The following EPN2 variants were observed in gnomAD, a reference collection of about 807,000 sequenced individuals.
EPN2 encodes epsin-2.
A neutral mutation model predicts 61.7 loss-of-function variants in EPN2; 34 were observed. The observed-to-expected ratio is 0.55, with a 90% CI of 0.42 to 0.73. The LOEUF is 0.73. Among genes scored for constraint, EPN2 ranks in the 30% least tolerant of loss-of-function variants. The probability of loss-of-function intolerance (pLI) is 0.00; values close to 1 mark genes in which losing one functional copy is unlikely to be tolerated. For missense variants in EPN2, 714 were observed against 839.2 expected (o/e 0.85, Z 1.84); for synonymous variants, 349 against 353.6 (o/e 0.99, Z 0.15).
intron 7 of EPN2, among the ~76,000 whole-genome samples, chr17:19,327,509 G>A (rs1397364367): frequency 1.3e-5 from 2 of 152,020 alleles, no homozygotes; most frequent in African/African-American, 4.8e-5. Context: ...CCATCTCGAC[G>A]AAAATTAGAA....
intron 1 of EPN2, among the ~76,000 whole-genome samples, chr17:19,259,484 T>C (rs2045117352): frequency 6.6e-6 from 1 of 152,034 alleles, no homozygotes; most frequent in Non-Finnish European, 1.5e-5. Context: ...GGCTAACTTT[T>C]TGTATTTTTA....
chr17:19,238,736 T>G (rs777862543), intron 1 of EPN2, among the ~76,000 whole-genome samples: 1 of 152,152 alleles, frequency 6.6e-6, no homozygotes, highest in Non-Finnish European at 1.5e-5. Context: ...GACCCTACCT[T>G]CCCCTTTATT....
intron 9 of EPN2, 49 bp from the exon 10 acceptor site, chr17:19,331,804 A>T: frequency 6.6e-7 from 1 of 1,520,958 alleles, no homozygotes. Context: ...ACACAGTCTT[A>T]GGCTCTCCCT....
chr17:19,331,873 C>T lies in EPN2; in HGVS notation c.1432C>T (p.Pro478Ser). The T allele has an allele frequency of 1.2e-6, 2 of 1,614,164 alleles. No homozygotes were observed. Among genetic ancestry groups the T allele is most frequent in the Non-Finnish European group, 8.5e-7 (1 of 1,179,996 alleles). Residue 478 changes from proline to serine, a missense_variant, in exon 10 of 11, where the codon CCA becomes TCA. Transcript: ENST00000314728. Reference protein sequence around the residue: ...KKTAESVTSLPSQNNGTTSPD... With the variant: ...KKTAESVTSLSSQNNGTTSPD... ...TGTAGCCGAATCTGTGACCTCTCTG[C>T]CATCCCAAAACAATGGAACTACCAG... is the stretch of plus-strand genomic sequence containing the variant.
At position 19,334,619 on chromosome 17, in the gene EPN2, C is replaced by T. The variant is rs978845252; in HGVS notation, c.*365C>T. On this transcript the variant is annotated 3_prime_UTR_variant, in exon 11 of 11. Coordinates refer to ENST00000314728, the MANE Select transcript of EPN2 (RefSeq NM_014964.5). This position sits in a 1 kb window ranked among gnomAD's most constrained non-coding sequence, Gnocchi z 4.9. ...GGACAGTGGCCTTGTCTTTGTCCTC[C>T]CCACCCCCCAGCCCTAGGGACACCC... 2.8e-5 allele frequency: 5 copies of T among 180,462 alleles called. No individual in the cohort carries two copies. The highest frequency in any genetic ancestry group is 5.7e-5 in the Non-Finnish European group (5 of 87,400). 11.2% of individuals were successfully genotyped at this position (180,462 alleles called of 1,614,324 possible).
intron 7 of EPN2, among the ~76,000 whole-genome samples, chr17:19,315,885 C>G (rs1315159754): frequency 1.3e-5 from 2 of 152,196 alleles, no homozygotes; most frequent in East Asian, 3.8e-4. Flanking sequence ...TTTCCATCAC[C>G]CCAGAAAGAA....
chr17:19,269,535 A>C (rs1014682320), intron 1 of EPN2, among the ~76,000 whole-genome samples: 5 of 152,220 alleles, frequency 3.3e-5, no homozygotes, highest in Non-Finnish European at 7.4e-5. Context: ...ACACGTTTTT[A>C]GGAATAGTTT....
chr17:19,326,328 C>A (rs1372982217), intron 7 of EPN2, among the ~76,000 whole-genome samples: 2 of 152,098 alleles, frequency 1.3e-5, no homozygotes, highest in Non-Finnish European at 2.9e-5. Flanking sequence ...ATAGCCAAAA[C>A]AAGATTGTGA....
At chr17:19,311,325 G>T (rs1367536760) in intron 5 of EPN2, among the ~76,000 whole-genome samples, 2 of 152,102 alleles carry the variant, frequency 1.3e-5, no homozygotes. Context: ...GACGGTTTGA[G>T]CCCATTTTAG....
chr17:19,309,814 C>A, intron 4 of EPN2, 71 bp from the exon 5 acceptor site: 1 of 1,239,342 alleles, frequency 8.1e-7, no homozygotes, highest in Non-Finnish European at 1.2e-6. Context: ...TGTGGTCTGC[C>A]CAGGAAACTG....
At chr17:19,265,338 A>G (rs183569372) in intron 1 of EPN2, among the ~76,000 whole-genome samples, 215 of 150,476 alleles carry the variant, frequency 1.4e-3, no homozygotes, top group African/African-American at 5.0e-3. Flanking sequence ...TGATTGTGCT[A>G]CTGTACTCCA....
intron 4 of EPN2, among the ~76,000 whole-genome samples, chr17:19,298,652 C>T (rs996240675): frequency 2.0e-5 from 3 of 152,168 alleles, no homozygotes; most frequent in Admixed American, 1.3e-4. Flanking sequence ...CTACAGACAC[C>T]CGCTACCGAG....
intron 1 of EPN2, among the ~76,000 whole-genome samples, chr17:19,263,100 A>T (rs2045159998): frequency 6.6e-6 from 1 of 152,218 alleles, no homozygotes; most frequent in Admixed American, 6.5e-5. Context: ...AGGAGGCTCC[A>T]TCCTGACATA....
chr17:19,252,814 T>C (rs2045029133), intron 1 of EPN2, among the ~76,000 whole-genome samples: 1 of 152,194 alleles, frequency 6.6e-6, no homozygotes, highest in Admixed American at 6.5e-5. Flanking sequence ...CTCAGCCTCC[T>C]GAGCAGCTGG....
At chr17:19,329,434 T>A (rs2152239726) in intron 8 of EPN2, 127 bp from the exon 9 acceptor site, 3 of 629,144 alleles carry the variant, frequency 4.8e-6, no homozygotes, top group Non-Finnish European at 8.5e-6. Flanking sequence ...AGAATTCTCC[T>A]CCATGAGGTA....
In EPN2 at chr17:19,264,512, G is replaced by A. The variant is rs1005443486; in HGVS notation, c.-293-17443G>A. Among the ~76,000 whole-genome samples the A allele has an allele frequency of 2.0e-5, 3 of 152,194 alleles. No homozygotes were observed. The South Asian group carries it at 6.2e-4, about 32-fold the overall frequency. The stretch of plus-strand genomic sequence containing the variant: ...TTCCTTATCTTGCTGATTCTCGCTG[G>A]CTGCCATTTCCATTTTACAAATGAG... On this transcript the variant is annotated intron_variant, in intron 1 of 10. Transcript: ENST00000314728.
chr17:19,324,603 G>A (rs912387848), intron 7 of EPN2, among the ~76,000 whole-genome samples: 1 of 152,194 alleles, frequency 6.6e-6, no homozygotes, highest in African/African-American at 2.4e-5. Context: ...AGAGAGCTGG[G>A]ATTACAGGCA....
At position 19,285,610 on chromosome 17, in the gene EPN2, T is replaced by C. The variant is rs768497876; in HGVS notation, c.596-10T>C. The C allele has an allele frequency of 2.6e-6, 4 of 1,522,414 alleles. No individual in the cohort carries two copies. The highest frequency in any genetic ancestry group is 3.5e-6 in the Non-Finnish European group (4 of 1,131,726). The allele number at this position is 1,522,414 out of a possible 1,614,324, so 94.3% of individuals were successfully genotyped here. A position where few individuals can be genotyped will look rare whatever the true frequency, so the allele number is the denominator to read the frequency against. Reference sequence around the variant, plus strand: ...CTCTCTGTGTGTGTGTGTGTGTCCCTGCCCCACAGCGCCTGAGGCCTCGCT... The same window carrying C: ...CTCTCTGTGTGTGTGTGTGTGTCCCCGCCCCACAGCGCCTGAGGCCTCGCT... On this transcript the variant is annotated splice_polypyrimidine_tract_variant and intron_variant, in intron 3 of 10. Transcript: ENST00000314728. This position sits in a 1 kb window ranked among gnomAD's most constrained non-coding sequence, Gnocchi z 4.5.
intron 1 of EPN2, among the ~76,000 whole-genome samples, chr17:19,253,411 T>C (rs909949140): frequency 1.2e-5 from 1 of 81,570 alleles, no homozygotes; most frequent in Non-Finnish European, 2.0e-5. Context: ...AAATAGTTGC[T>C]TTTTTTTTTT....
Sources: allele counts gnomAD v4.1 joint callset (sites outside exome capture counted in the v4.1 genomes callset), GRCh38; gene constraint gnomAD v4.1.1; non-coding constraint Gnocchi (gnomAD v3.1); transcripts MANE v1.5; gene names NCBI Gene and HGNC (gene_info 2026-07-23, HGNC 2026-07-21).